Variants in TBCD observed in about 807,000 individuals in gnomAD.
TBCD encodes the protein tubulin-specific chaperone D.
Under a neutral mutation model 169.3 loss-of-function variants are expected in TBCD, and 105 were observed. That is an observed-to-expected ratio of 0.62 (90% CI 0.53 to 0.73). TBCD has a LOEUF of 0.73. Ranked by LOEUF, TBCD falls within the 30% of genes least tolerant of loss-of-function variation. The pLI, the probability that TBCD is intolerant of heterozygous loss-of-function variation, is 0.00. For missense variants in TBCD, 1,444 were observed against 1,600.1 expected, an observed-to-expected ratio of 0.90 and a Z score of 1.66; for synonymous variants, 700 against 643.9, an observed-to-expected ratio of 1.09 and a Z score of -1.32.
chr17:82,846,965 C>T (rs1400948063), intron 13 of TBCD, among the ~76,000 whole-genome samples: 5 of 152,212 alleles, frequency 3.3e-5, no homozygotes, highest in Non-Finnish European at 5.9e-5. Context: ...TGCCTGTGGT[C>T]GTGGCCAAGG....
chr17:82,788,908 G>A (rs939169165), intron 7 of TBCD, among the ~76,000 whole-genome samples: 4 of 152,214 alleles, frequency 2.6e-5, no homozygotes, highest in Non-Finnish European at 4.4e-5. Context: ...AGCACAGTCA[G>A]TCTTTGAAGA....
In TBCD at chr17:82,930,867, T is replaced by C. The variant is rs904896305; in HGVS notation, c.3113+224T>C. On this transcript the variant is annotated intron_variant, in intron 33 of 38. Coordinates refer to ENST00000355528, the MANE Select transcript of TBCD (RefSeq NM_005993.5). This position sits in a 1 kb window ranked among gnomAD's most constrained non-coding sequence, Gnocchi z 5.2. ...TGCGCCTCCTCTTCTAGCCTCCACA[T>C]GAGGCAGGGAAATGACCGTTGTGTG... 6.6e-6 allele frequency among the ~76,000 whole-genome samples: 1 copy of C among 152,132 alleles called. No homozygotes were observed. The highest frequency in any genetic ancestry group is 6.5e-5 in the Admixed American group (1 of 15,282).
chr17:82,936,380 G>A (rs1328724167), intron 34 of TBCD, among the ~76,000 whole-genome samples: 2 of 151,198 alleles, frequency 1.3e-5, no homozygotes, highest in Non-Finnish European at 2.9e-5. Context: ...CGTTCCCTGC[G>A]GCCCTTCCTT....
chr17:82,892,528 C>G (rs1033738982), intron 16 of TBCD, among the ~76,000 whole-genome samples: 38 of 152,130 alleles, frequency 2.5e-4, no homozygotes, highest in African/African-American at 8.7e-4. Flanking sequence ...ATTCCGGCCT[C>G]TCCTGGTGGG....
intron 19 of TBCD, among the ~76,000 whole-genome samples, chr17:82,904,778 G>A (rs189731949): frequency 3.3e-5 from 5 of 152,210 alleles, no homozygotes; most frequent in African/African-American, 4.8e-5. Flanking sequence ...TTTCAGCTTC[G>A]TGATCTGTTA....
intron 17 of TBCD, 150 bp downstream of exon 17, chr17:82,893,782 A>C: frequency 1.5e-6 from 1 of 645,442 alleles, no homozygotes. Context: ...GGAATTGGGA[A>C]CAGTGACTGA....
Position 82,811,545 on chromosome 17 carries a change from C to T in TBCD, c.1223+1763C>T, listed in dbSNP as rs1378024392. On this transcript the variant is annotated intron_variant, in intron 12 of 38. Transcript: ENST00000355528. Reference sequence around the variant, plus strand: ...CAGGGCCTTCATCCCAAAGTAGCTGCAGGGCCATCATCCCGAGTCCTCGCA... The same window carrying T: ...CAGGGCCTTCATCCCAAAGTAGCTGTAGGGCCATCATCCCGAGTCCTCGCA... Among the ~76,000 whole-genome samples the T allele has an allele frequency of 2.0e-5, 3 of 152,248 alleles. No homozygotes were observed. In the East Asian group the frequency reaches 5.8e-4, roughly 29 times the overall value.
At position 82,838,908 on chromosome 17, in the gene TBCD, T is replaced by C. The variant is rs964776413; in HGVS notation, c.1318+23974T>C. 12 of 985,294 alleles carry C rather than the reference T, an allele frequency of 1.2e-5. No individual in the cohort carries two copies. In the South Asian group the frequency reaches 1.4e-4, roughly 12 times the overall value. 61.0% of individuals were successfully genotyped at this position (985,294 alleles called of 1,614,324 possible). Reference sequence around the variant, plus strand: ...TCCGGTCAGAAATGCTGGAAGGCCTTTGCTAATGCGCAGTGAAAATTAGGG... The same window carrying C: ...TCCGGTCAGAAATGCTGGAAGGCCTCTGCTAATGCGCAGTGAAAATTAGGG... On this transcript the variant is annotated intron_variant, in intron 13 of 38. Coordinates refer to ENST00000355528, the MANE Select transcript of TBCD (RefSeq NM_005993.5).
intron 17 of TBCD, chr17:82,896,100 C>A (rs1312874077): frequency 6.6e-6 from 1 of 152,352 alleles, no homozygotes; most frequent in Non-Finnish European, 1.5e-5. Flanking sequence ...CCCTCCCACA[C>A]CCCCTTCTTC....
intron 13 of TBCD, among the ~76,000 whole-genome samples, chr17:82,851,035 A>T (rs1816803804): frequency 6.6e-6 from 1 of 152,238 alleles, no homozygotes; most frequent in African/African-American, 2.4e-5. Context: ...TAGCCGTTGG[A>T]GAATACACAT....
chr17:82,931,226 C>G (rs1292164630), intron 33 of TBCD, among the ~76,000 whole-genome samples: 1 of 152,230 alleles, frequency 6.6e-6, no homozygotes, highest in Non-Finnish European at 1.5e-5. Context: ...GCAGCCTCTC[C>G]CATGAGAGCA....
rs116442048 is a variant in TBCD at position 82,884,608 on chromosome 17, C to T, written c.1533+406C>T. Reference sequence around the variant, plus strand: ...CTTTGAGCCTCGGGAGGGGCTGTTGCGAGCAGTGGTCAGCTCTGCTTCACC... The same window carrying T: ...CTTTGAGCCTCGGGAGGGGCTGTTGTGAGCAGTGGTCAGCTCTGCTTCACC... On this transcript the variant is annotated intron_variant, in intron 15 of 38. Coordinates refer to ENST00000355528, the MANE Select transcript of TBCD (RefSeq NM_005993.5). This position sits in a 1 kb window ranked among gnomAD's most constrained non-coding sequence, Gnocchi z 4.2. Among the ~76,000 whole-genome samples, 2 of 151,996 alleles carry T rather than the reference C, an allele frequency of 1.3e-5. No homozygotes were observed. The highest frequency in any genetic ancestry group is 2.9e-5 in the Non-Finnish European group (2 of 67,952).
intron 7 of TBCD, among the ~76,000 whole-genome samples, chr17:82,797,426 T>C (rs894095306): frequency 6.6e-6 from 1 of 152,174 alleles, no homozygotes; most frequent in African/African-American, 2.4e-5. Context: ...TACTGAGATA[T>C]CTTCTTTTTC....
At chr17:82,931,535 C>T (rs148390290) in intron 33 of TBCD, among the ~76,000 whole-genome samples, 5 of 152,050 alleles carry the variant, frequency 3.3e-5, no homozygotes, top group African/African-American at 1.2e-4. Flanking sequence ...TTCGCTCATT[C>T]CTCCTTGCTG....
Position 82,799,563 on chromosome 17 carries a change from C to T in TBCD, c.818-1301C>T, listed in dbSNP as rs1490308718. Among the ~76,000 whole-genome samples, 6 of 151,974 alleles carry T rather than the reference C, an allele frequency of 3.9e-5. 1 individual carries two copies. Among genetic ancestry groups the T allele is most frequent in the South Asian group, 4.1e-4 (2 of 4,822 alleles). On this transcript the variant is annotated intron_variant, in intron 8 of 38. Transcript: ENST00000355528. ...TATAAAGAAGAGAGAATGGCGTGCA[C>T]GCCCCGTGTCTCTCTCAGGAGTGTG...
chr17:82,860,670 T>C (rs987543883), intron 13 of TBCD, among the ~76,000 whole-genome samples: 8 of 152,078 alleles, frequency 5.3e-5, no homozygotes, highest in African/African-American at 1.4e-4. Flanking sequence ...TCTTCTGCCA[T>C]TTGTGGGGGG....
rs1202673718 is a variant in TBCD at position 82,814,899 on chromosome 17, G to A, written c.1283G>A (p.Arg428Lys). ...TGTCTGGCGCTGGCAGAGCTGGGCA[G>A]GAGAGGCCTGTTGCTGCCGTCTCGA... ...GGCLALAELG[R>K]RGLLLPSRLV... The change falls in exon 13 of 39, where the codon AGG becomes AAG. Residue 428 changes from arginine (R) to lysine (K), a missense_variant. Arg to Lys is a conservative substitution (Grantham distance 26). Transcript: ENST00000355528. 2 of 1,613,150 alleles carry A rather than the reference G, an allele frequency of 1.2e-6. No homozygotes were observed. The highest frequency in any genetic ancestry group is 3.3e-5 in the Admixed American group (2 of 59,944).
chr17:82,760,135 A>T (rs1223607472), intron 2 of TBCD, among the ~76,000 whole-genome samples: 2 of 151,334 alleles, frequency 1.3e-5, no homozygotes, highest in African/African-American at 4.9e-5. Flanking sequence ...TGGCCTCCCA[A>T]AGTGCTGGAA....
chr17:82,779,088 T>C (rs1332428072), intron 6 of TBCD, among the ~76,000 whole-genome samples: 2 of 150,576 alleles, frequency 1.3e-5, no homozygotes, highest in Non-Finnish European at 3.0e-5. Context: ...CTCGGCTCAC[T>C]GCAACCTCCG....
Sources: allele counts gnomAD v4.1 joint callset (sites outside exome capture counted in the v4.1 genomes callset), GRCh38; gene constraint gnomAD v4.1.1; non-coding constraint Gnocchi (gnomAD v3.1); transcripts MANE v1.5; gene names NCBI Gene and HGNC (gene_info 2026-07-23, HGNC 2026-07-21).